PALLD: variants seen among roughly 807,000 people sequenced by gnomAD.
PALLD encodes palladin, cytoskeletal associated protein.
In PALLD, 61 loss-of-function variants were observed where a neutral mutation model predicts 123.5. That is an observed-to-expected ratio of 0.49 (90% CI 0.40 to 0.61). PALLD has a LOEUF of 0.61. Ranked by LOEUF, PALLD falls within the 20% of genes least tolerant of loss-of-function variation. The pLI is 0.00. For synonymous variants in PALLD, 465 were observed against 496.4 expected, an observed-to-expected ratio of 0.94 and a Z score of 0.84; for missense variants, 1,273 against 1,377.0, an observed-to-expected ratio of 0.92 and a Z score of 1.20.
chr4:168,739,469 A>C (rs1395898624), intron 10 of PALLD, among the ~76,000 whole-genome samples: 1 of 152,220 alleles, frequency 6.6e-6, no homozygotes, highest in Admixed American at 6.5e-5. Flanking sequence ...TGAAAACATC[A>C]GTTAGAAAAA....
chr4:168,773,435 T>A (rs1438647344), intron 10 of PALLD, among the ~76,000 whole-genome samples: 1 of 152,196 alleles, frequency 6.6e-6, no homozygotes, highest in Non-Finnish European at 1.5e-5. Flanking sequence ...ATTTAAAGTT[T>A]ATAAGTTTAG....
chr4:168,742,049 A>G (rs944539805), intron 10 of PALLD, among the ~76,000 whole-genome samples: 1 of 152,216 alleles, frequency 6.6e-6, no homozygotes, highest in African/African-American at 2.4e-5. Context: ...AAGCTGGCAG[A>G]TCCACCACCT....
At chr4:168,649,385 A>G (rs943315609) in intron 2 of PALLD, among the ~76,000 whole-genome samples, 7 of 152,198 alleles carry the variant, frequency 4.6e-5, no homozygotes, top group Admixed American at 1.3e-4. Flanking sequence ...AAAGCCCCCA[A>G]TGGCCCTCAT....
At chr4:168,925,177 TTG>T in intron 20 of PALLD, 54 bp from the exon 21 acceptor site, 5 of 1,576,460 alleles carry the variant, frequency 3.2e-6, no homozygotes, top group Non-Finnish European at 4.4e-6. Flanking sequence ...TAAACAACTA[TTG>T]TGTTTTATTT....
At chr4:168,664,226 G>A (rs1052798429) in intron 2 of PALLD, among the ~76,000 whole-genome samples, 2 of 152,024 alleles carry the variant, frequency 1.3e-5, no homozygotes, top group African/African-American at 2.4e-5. Flanking sequence ...TTTCTTCCAT[G>A]GAATTTGTAC....
At chr4:168,540,405 C>T (rs1301138722) in intron 2 of PALLD, among the ~76,000 whole-genome samples, 2 of 152,072 alleles carry the variant, frequency 1.3e-5, no homozygotes, top group Admixed American at 6.6e-5. Context: ...TTTCTGTTTC[C>T]GAAACACAAA....
intron 10 of PALLD, among the ~76,000 whole-genome samples, chr4:168,882,626 C>G (rs1752764486): frequency 6.6e-6 from 1 of 152,140 alleles, no homozygotes; most frequent in Non-Finnish European, 1.5e-5. Flanking sequence ...GCTTTTCATT[C>G]TCTGACCTGA....
intron 10 of PALLD, among the ~76,000 whole-genome samples, chr4:168,827,268 G>A (rs1041334099): frequency 2.6e-5 from 4 of 152,184 alleles, no homozygotes; most frequent in Admixed American, 1.3e-4. Context: ...AGTTGTCCTC[G>A]GAGGGGTGCC....
At chr4:168,654,472 A>G (rs1342106795) in intron 2 of PALLD, among the ~76,000 whole-genome samples, 4 of 152,258 alleles carry the variant, frequency 2.6e-5, no homozygotes, top group African/African-American at 7.2e-5. Context: ...TCATCATGAC[A>G]TAACGAAAAC....
At chr4:168,557,636 G>A (rs538915068) in intron 2 of PALLD, among the ~76,000 whole-genome samples, 8 of 152,240 alleles carry the variant, frequency 5.3e-5, no homozygotes, top group Non-Finnish European at 1.5e-5. Context: ...ATCTTCCTGT[G>A]TCCCAATGTG....
intron 10 of PALLD, among the ~76,000 whole-genome samples, chr4:168,754,323 T>C (rs1014156850): frequency 1.3e-5 from 2 of 152,226 alleles, no homozygotes; most frequent in Non-Finnish European, 2.9e-5. Flanking sequence ...TGATTATATA[T>C]GAGTATACCT....
chr4:168,508,569 C>T (rs1161035993), intron 1 of PALLD, among the ~76,000 whole-genome samples: 2 of 152,188 alleles, frequency 1.3e-5, no homozygotes, highest in African/African-American at 4.8e-5. Flanking sequence ...TAATCTACCA[C>T]AGGTTTGGTT....
intron 10 of PALLD, among the ~76,000 whole-genome samples, chr4:168,889,180 T>C (rs111880218): frequency 1.5e-5 from 2 of 131,982 alleles, no homozygotes; most frequent in Admixed American, 7.5e-5. Flanking sequence ...TTTTTTTTTT[T>C]TTAGACGGAG....
At chr4:168,733,694 A>C (rs889636731) in intron 10 of PALLD, among the ~76,000 whole-genome samples, 6 of 152,028 alleles carry the variant, frequency 3.9e-5, no homozygotes, top group African/African-American at 1.4e-4. Flanking sequence ...AGCCTCCTGA[A>C]GGGCTGGGAT....
At chr4:168,762,069 C>A (rs1490992568) in intron 10 of PALLD, among the ~76,000 whole-genome samples, 5 of 138,448 alleles carry the variant, frequency 3.6e-5, no homozygotes. Context: ...ATAAACATTG[C>A]GAAGTAACTT....
Position 168,808,874 on chromosome 4 carries a change from A to T in PALLD, c.1965-82048A>T, listed in dbSNP as rs11132513. On this transcript the variant is annotated intron_variant, in intron 10 of 21. Transcript: ENST00000505667. ...CCGGATCCCTCCCACAACATGTGGG[A>T]ATTATGGGAGTACAGTTCAAGATGA... 0.012 allele frequency among the ~76,000 whole-genome samples: 1,859 copies of T among 152,282 alleles called. 76 individuals carry two copies. The East Asian group carries it at 0.17, about 14-fold the overall frequency.
intron 2 of PALLD, among the ~76,000 whole-genome samples, chr4:168,516,009 T>C (rs938411218): frequency 1.7e-4 from 26 of 152,228 alleles, no homozygotes; most frequent in African/African-American, 6.3e-4. Flanking sequence ...AAGGCATTTG[T>C]ACTTCACATG....
chr4:168,832,181 G>A (rs1458629065), intron 10 of PALLD: 1 of 985,574 alleles, frequency 1.0e-6, no homozygotes, highest in Non-Finnish European at 1.2e-6. Context: ...GGTAGGCGCG[G>A]GGAATCGGCC....
intron 2 of PALLD, among the ~76,000 whole-genome samples, chr4:168,654,297 G>GTA (rs1778346430): frequency 6.6e-6 from 1 of 151,838 alleles, no homozygotes. Context: ...GGTGTTATGT[G>GTA]TATTTTTTTG....
Sources: allele counts gnomAD v4.1 joint callset (sites outside exome capture counted in the v4.1 genomes callset), GRCh38; gene constraint gnomAD v4.1.1; transcripts MANE v1.5; gene names NCBI Gene and HGNC (gene_info 2026-07-23, HGNC 2026-07-21).